The following DRC11 variants were observed in gnomAD, a reference collection of about 807,000 sequenced individuals.
DRC11 encodes the protein IQ and AAA domain-containing protein 1.
the DRC11 span, among the ~76,000 whole-genome samples, chr2:236,381,022 C>A: frequency 5.9e-5 from 9 of 152,064 alleles, no homozygotes; most frequent in Non-Finnish European, 2.9e-5. This position sits in a 1 kb window ranked among gnomAD's most constrained non-coding sequence, Gnocchi z 5.8. Context: ...GCTTGTGTTC[C>A]CCCAAAACTC....
chr2:236,488,738 A>G, the DRC11 span, among the ~76,000 whole-genome samples: 2 of 152,254 alleles, frequency 1.3e-5, no homozygotes, highest in South Asian at 4.1e-4. Flanking sequence ...TTGCATCTTA[A>G]AACATTCAAA....
the DRC11 span, among the ~76,000 whole-genome samples, chr2:236,344,144 G>A: frequency 3.3e-5 from 5 of 152,278 alleles, no homozygotes; most frequent in East Asian, 9.7e-4. Flanking sequence ...CTGGAGGCCC[G>A]AATGTGGTGC....
At chr2:236,337,486 C>G in the DRC11 span, among the ~76,000 whole-genome samples, 1 of 152,214 alleles carries the variant, frequency 6.6e-6, no homozygotes, top group Non-Finnish European at 1.5e-5. The surrounding 1 kb of genome is among the most constrained non-coding windows in gnomAD (Gnocchi z 4.9). Context: ...CACAGCAGCC[C>G]TGTGGCGTGA....
chr2:236,329,588 G>C, the DRC11 span, among the ~76,000 whole-genome samples: 2 of 147,054 alleles, frequency 1.4e-5, no homozygotes, highest in Non-Finnish European at 3.0e-5. Context: ...CTCAGGGTTT[G>C]CCTCATTAGA....
the DRC11 span, among the ~76,000 whole-genome samples, chr2:236,356,303 G>A: frequency 6.6e-6 from 1 of 152,188 alleles, no homozygotes; most frequent in Non-Finnish European, 1.5e-5. Flanking sequence ...TGGAGGGCGG[G>A]GGCCATTCTC....
At chr2:236,364,525 G>T in the DRC11 span, among the ~76,000 whole-genome samples, 1 of 152,134 alleles carries the variant, frequency 6.6e-6, no homozygotes, top group African/African-American at 2.4e-5. Flanking sequence ...CTAGCTGTCA[G>T]TAGCGGCAGA....
the DRC11 span, among the ~76,000 whole-genome samples, chr2:236,469,512 A>G: frequency 5.9e-5 from 9 of 152,342 alleles, no homozygotes; most frequent in East Asian, 1.5e-3. This position sits in a 1 kb window ranked among gnomAD's most constrained non-coding sequence, Gnocchi z 5.8. Flanking sequence ...CCGTCATTCC[A>G]TGTTAATGAA....
At chr2:236,497,538 TA>T in the DRC11 span, 1 of 1,368,618 alleles carries the variant, frequency 7.3e-7, no homozygotes, top group African/African-American at 1.5e-5. The surrounding 1 kb of genome is among the most constrained non-coding windows in gnomAD (Gnocchi z 5.1). Flanking sequence ...AATCACTTGG[TA>T]AAACATAAAC....
the DRC11 span, among the ~76,000 whole-genome samples, chr2:236,479,219 C>T: frequency 2.6e-5 from 4 of 152,126 alleles, no homozygotes; most frequent in South Asian, 4.1e-4. The surrounding 1 kb of genome is among the most constrained non-coding windows in gnomAD (Gnocchi z 4.1). Flanking sequence ...TTCTTTAAGT[C>T]CATGTGTGTC....
chr2:236,449,406 A>C, the DRC11 span, among the ~76,000 whole-genome samples: 3 of 152,294 alleles, frequency 2.0e-5, no homozygotes, highest in East Asian at 5.8e-4. The surrounding 1 kb of genome is among the most constrained non-coding windows in gnomAD (Gnocchi z 5.1). Flanking sequence ...CCGCCTCCGC[A>C]ATACTTTATT....
At chr2:236,369,609 C>T in the DRC11 span, among the ~76,000 whole-genome samples, 1 of 152,166 alleles carries the variant, frequency 6.6e-6, no homozygotes, top group Non-Finnish European at 1.5e-5. The surrounding 1 kb of genome is among the most constrained non-coding windows in gnomAD (Gnocchi z 4.5). Flanking sequence ...TCCAGATGCA[C>T]CATATTTTCT....
At chr2:236,491,149 TATACAC>T in the DRC11 span, among the ~76,000 whole-genome samples, 5 of 76,476 alleles carry the variant, frequency 6.5e-5, no homozygotes, top group African/African-American at 3.1e-4. Flanking sequence ...ACAGTATATA[TATACAC>T]ACAGTATATA....
the DRC11 span, among the ~76,000 whole-genome samples, chr2:236,437,125 T>G: frequency 3.6e-3 from 482 of 133,950 alleles, 3 homozygotes; most frequent in African/African-American, 0.013. Context: ...CAGAGTGTGA[T>G]GTTCCCCTTC....
the DRC11 span, among the ~76,000 whole-genome samples, chr2:236,405,275 G>A: frequency 1.3e-5 from 2 of 151,980 alleles, no homozygotes; most frequent in Non-Finnish European, 2.9e-5. This position sits in a 1 kb window ranked among gnomAD's most constrained non-coding sequence, Gnocchi z 4.6. Context: ...ATGAACAGGT[G>A]GGAGGAGAAG....
At chr2:236,416,721 TTATATATATATATATATATATATATA>T in the DRC11 span, among the ~76,000 whole-genome samples, 14 of 64,244 alleles carry the variant, frequency 2.2e-4, no homozygotes, top group South Asian at 7.4e-4. Context: ...ATATATATAT[TTATATATATATATATATATATATATA>T]TATATATATA....
chr2:236,344,459 G>T, the DRC11 span: 3 of 775,712 alleles, frequency 3.9e-6, no homozygotes, highest in Non-Finnish European at 6.4e-6. Flanking sequence ...TTCCTCGCTT[G>T]AAAAGGCAAG....
At chr2:236,478,856 G>A in the DRC11 span, among the ~76,000 whole-genome samples, 1 of 138,492 alleles carries the variant, frequency 7.2e-6, no homozygotes, top group Non-Finnish European at 1.5e-5. The surrounding 1 kb of genome is among the most constrained non-coding windows in gnomAD (Gnocchi z 5.9). Flanking sequence ...ATGGAGTCTT[G>A]CTCTGTCACC....
the DRC11 span, among the ~76,000 whole-genome samples, chr2:236,475,520 G>C: frequency 6.6e-6 from 1 of 152,138 alleles, no homozygotes; most frequent in African/African-American, 2.4e-5. The surrounding 1 kb of genome is among the most constrained non-coding windows in gnomAD (Gnocchi z 4.8). Flanking sequence ...GGATCATACG[G>C]TATTAGGTTG....
At chr2:236,452,638 G>T in the DRC11 span, among the ~76,000 whole-genome samples, 1 of 152,334 alleles carries the variant, frequency 6.6e-6, no homozygotes, top group Non-Finnish European at 1.5e-5. The surrounding 1 kb of genome is among the most constrained non-coding windows in gnomAD (Gnocchi z 4.7). Flanking sequence ...TTTCTCAAAG[G>T]AGGGGAGGAA....
Sources: gnomAD v4.1 joint callset for allele counts (sites outside exome capture counted in the v4.1 genomes callset) on GRCh38, gnomAD v4.1.1 for gene constraint, Gnocchi (gnomAD v3.1) non-coding constraint, MANE v1.5 for transcripts, NCBI Gene and HGNC (gene_info 2026-07-23, HGNC 2026-07-21) for gene names.